Variants in PPFIA2 observed in about 807,000 individuals in gnomAD.
PPFIA2 encodes the protein liprin-alpha-2.
A neutral mutation model predicts 175.5 loss-of-function variants in PPFIA2; 46 were observed. The ratio of observed to expected loss-of-function variants is 0.26; its 90% CI spans 0.21 to 0.34. The LOEUF is 0.34. PPFIA2 is among the 10% of genes least tolerant of loss of function. PPFIA2 has a pLI of 1.00. For missense variants in PPFIA2, 1,179 were observed against 1,506.1 expected (o/e 0.78, Z 3.60); for synonymous variants, 568 against 511.4 (o/e 1.11, Z -1.49).
intron 4 of PPFIA2, among the ~76,000 whole-genome samples, chr12:81,481,198 C>A (rs1389603210): frequency 2.6e-5 from 4 of 152,060 alleles, no homozygotes; most frequent in Non-Finnish European, 5.9e-5. Context: ...TGTGTAGGAC[C>A]TCTTCAACTA....
At chr12:81,432,379 CAT>C (rs898647479) in intron 7 of PPFIA2, among the ~76,000 whole-genome samples, 2 of 151,828 alleles carry the variant, frequency 1.3e-5, no homozygotes, top group Non-Finnish European at 2.9e-5. Context: ...TAGGATTTCA[CAT>C]ATATGCCACC....
intron 4 of PPFIA2, among the ~76,000 whole-genome samples, chr12:81,621,783 C>T (rs2062068656): frequency 6.6e-6 from 1 of 152,116 alleles, no homozygotes; most frequent in African/African-American, 2.4e-5. Flanking sequence ...GAGGGAAGAT[C>T]CAGAACTCAA....
chr12:81,424,197 T>G (rs1355248304), intron 7 of PPFIA2, among the ~76,000 whole-genome samples: 3 of 152,104 alleles, frequency 2.0e-5, no homozygotes, highest in African/African-American at 7.2e-5. Context: ...ACCATTATAT[T>G]AGAATTTTGA....
At chr12:81,260,946 T>A (rs2035275253) in intron 32 of PPFIA2, 1 of 152,216 alleles carries the variant, frequency 6.6e-6, no homozygotes, top group African/African-American at 2.4e-5. Flanking sequence ...GAAACCACAG[T>A]TTTACTATTA....
chr12:81,445,893 T>C (rs2051156117), intron 5 of PPFIA2, among the ~76,000 whole-genome samples, 173 bp from the exon 6 acceptor site: 1 of 152,220 alleles, frequency 6.6e-6, no homozygotes, highest in Non-Finnish European at 1.5e-5. Context: ...GTTTATAAAA[T>C]ACATTAAAGA....
chr12:81,566,632 C>G (rs17008729), intron 4 of PPFIA2, among the ~76,000 whole-genome samples: 17,822 of 151,380 alleles, frequency 0.12, 1,171 homozygotes, highest in Admixed American at 0.13. Flanking sequence ...TTACATTCAG[C>G]ATTAGAGAGT....
intron 3 of PPFIA2, among the ~76,000 whole-genome samples, chr12:81,679,869 A>G (rs868288290): frequency 3.0e-4 from 46 of 152,090 alleles, no homozygotes; most frequent in African/African-American, 1.1e-3. Flanking sequence ...GGATACATTT[A>G]TGTTGTAAAA....
At chr12:81,319,751 T>C (rs1381588461) in intron 22 of PPFIA2, among the ~76,000 whole-genome samples, 1 of 151,938 alleles carries the variant, frequency 6.6e-6, no homozygotes, top group Non-Finnish European at 1.5e-5. Flanking sequence ...TGGGAAAATC[T>C]CTCATGATCT....
At chr12:81,551,053 G>A (rs2067833061) in intron 4 of PPFIA2, among the ~76,000 whole-genome samples, 1 of 151,806 alleles carries the variant, frequency 6.6e-6, no homozygotes, top group South Asian at 2.1e-4. Context: ...AGAAAAGATA[G>A]AGAAAGCAAC....
intron 5 of PPFIA2, among the ~76,000 whole-genome samples, chr12:81,448,954 T>C (rs1315979428): frequency 6.6e-6 from 1 of 152,220 alleles, no homozygotes; most frequent in African/African-American, 2.4e-5. Context: ...AAAGGATCTG[T>C]AACTATTTAT....
chr12:81,700,786 T>A (rs2076395293), intron 3 of PPFIA2, among the ~76,000 whole-genome samples: 1 of 152,098 alleles, frequency 6.6e-6, no homozygotes, highest in African/African-American at 2.4e-5. Context: ...CTAACATCGG[T>A]TGGATATACA....
chr12:81,599,149 T>C (rs11114929), intron 4 of PPFIA2, among the ~76,000 whole-genome samples: 4,184 of 151,998 alleles, frequency 0.028, 70 homozygotes, highest in East Asian at 0.079. Flanking sequence ...AAATGTTCCA[T>C]TTACACATCG....
chr12:81,556,778 C>T (rs899093211), intron 4 of PPFIA2, among the ~76,000 whole-genome samples: 1 of 151,830 alleles, frequency 6.6e-6, no homozygotes, highest in Non-Finnish European at 1.5e-5. Flanking sequence ...AACCTGGGGG[C>T]TACCCATTGT....
At chr12:81,455,587 C>T (rs1289850614) in intron 5 of PPFIA2, among the ~76,000 whole-genome samples, 1 of 152,132 alleles carries the variant, frequency 6.6e-6, no homozygotes, top group Non-Finnish European at 1.5e-5. Context: ...ATCCAAGACT[C>T]CTTTGCAAAC....
intron 3 of PPFIA2, among the ~76,000 whole-genome samples, chr12:81,718,629 C>T (rs2078947501): frequency 6.6e-6 from 1 of 151,670 alleles, no homozygotes; most frequent in South Asian, 2.1e-4. Context: ...TGGAAAATCT[C>T]TTTGAAGATA....
chr12:81,392,484 G>A (rs1522309), intron 8 of PPFIA2, among the ~76,000 whole-genome samples: 24,326 of 151,728 alleles, frequency 0.16, 2,703 homozygotes, highest in East Asian at 0.42. Flanking sequence ...GATCACCTGT[G>A]GAGTGAAGTA....
intron 3 of PPFIA2, among the ~76,000 whole-genome samples, chr12:81,690,956 A>G (rs1338011710): frequency 6.6e-6 from 1 of 152,064 alleles, no homozygotes; most frequent in Non-Finnish European, 1.5e-5. Context: ...TCCTTCTTAT[A>G]AGGACTCTTA....
chr12:81,344,942 T>C (rs1274246261), intron 18 of PPFIA2, among the ~76,000 whole-genome samples: 2 of 144,898 alleles, frequency 1.4e-5, no homozygotes, highest in Non-Finnish European at 3.1e-5. Flanking sequence ...GTACAGGCAC[T>C]GGATACGAGG....
At chr12:81,706,630 A>G (rs2077178922) in intron 3 of PPFIA2, among the ~76,000 whole-genome samples, 1 of 152,182 alleles carries the variant, frequency 6.6e-6, no homozygotes, top group Non-Finnish European at 1.5e-5. Flanking sequence ...GTGAGGTGTC[A>G]GTCTGCCCCT....
Sources: allele counts gnomAD v4.1 joint callset (sites outside exome capture counted in the v4.1 genomes callset), GRCh38; gene constraint gnomAD v4.1.1; transcripts MANE v1.5; gene names NCBI Gene and HGNC (gene_info 2026-07-23, HGNC 2026-07-21).